Variants in GNA14 observed in about 807,000 individuals in gnomAD.
The protein encoded by GNA14 is guanine nucleotide-binding protein subunit alpha-14.
In GNA14, 50 loss-of-function variants were observed where a neutral mutation model predicts 42.0. That is an observed-to-expected ratio of 1.19 (90% CI 0.95 to 1.51). The LOEUF (loss-of-function observed/expected upper bound fraction) is 1.51. Ranked by LOEUF, GNA14 falls within the 40% of genes most tolerant of loss-of-function variation. The pLI is 0.00. For missense variants in GNA14, 473 were observed against 446.2 expected (o/e 1.06, Z -0.54); for synonymous variants, 173 against 163.1 (o/e 1.06, Z -0.46).
Position 77,499,573 on chromosome 9 carries a change from G to A in GNA14, c.309+29496C>T, listed in dbSNP as rs937482587. Among the ~76,000 whole-genome samples the A allele has an allele frequency of 1.1e-4, 16 of 152,212 alleles. 2 individuals are homozygous for A. The South Asian group carries it at 2.3e-3, about 22-fold the overall frequency. On this transcript the variant is annotated intron_variant, in intron 2 of 6. Coordinates refer to ENST00000341700, the MANE Select transcript of GNA14 (RefSeq NM_004297.4). Reference sequence around the variant, plus strand: ...TATATAAACATTTAAAAGAATGGCCGGGCACAGTGGCTCATGCCTGTAATC... The same window carrying A: ...TATATAAACATTTAAAAGAATGGCCAGGCACAGTGGCTCATGCCTGTAATC...
At chr9:77,458,036 G>A (rs552252381) in intron 2 of GNA14, among the ~76,000 whole-genome samples, 2 of 152,144 alleles carry the variant, frequency 1.3e-5, no homozygotes, top group East Asian at 3.9e-4. Context: ...TGCATTTTTG[G>A]TTGTTTTCCT....
chr9:77,597,143 A>G (rs1564062637), intron 1 of GNA14, among the ~76,000 whole-genome samples: 3 of 152,296 alleles, frequency 2.0e-5, no homozygotes, highest in East Asian at 3.9e-4. Context: ...GCATTTTACT[A>G]TCTTATTTCA....
intron 1 of GNA14, among the ~76,000 whole-genome samples, chr9:77,641,271 A>G (rs953851509): frequency 2.6e-5 from 4 of 152,088 alleles, no homozygotes; most frequent in Non-Finnish European, 5.9e-5. Flanking sequence ...ATACCATGTT[A>G]TAGATTGGAT....
chr9:77,561,389 T>C (rs1465052731), intron 1 of GNA14, among the ~76,000 whole-genome samples: 1 of 151,802 alleles, frequency 6.6e-6, no homozygotes, highest in Non-Finnish European at 1.5e-5. Flanking sequence ...AGAAGAAGAG[T>C]GAGAATCAGA....
At chr9:77,567,894 T>C (rs1822992915) in intron 1 of GNA14, among the ~76,000 whole-genome samples, 1 of 152,036 alleles carries the variant, frequency 6.6e-6, no homozygotes. Flanking sequence ...TATTCCATTA[T>C]GGCCAGCAAA....
Position 77,648,152 on chromosome 9 carries a change from G to C in GNA14, c.-359C>G. On this transcript the variant is annotated 5_prime_UTR_variant, in exon 1 of 7. Transcript: ENST00000341700. ...CACAGGAGCCGGACAGCAGTCGGGG[G>C]CGCAGACGAGTTGGAACGTCGGTGC... 3.1e-6 allele frequency: 1 copy of C among 323,574 alleles called. No individual in the cohort carries two copies. Among genetic ancestry groups the C allele is most frequent in the Non-Finnish European group, 5.7e-6 (1 of 175,310 alleles). 20.0% of individuals were successfully genotyped at this position (323,574 alleles called of 1,614,324 possible).
At chr9:77,449,980 G>C (rs1448022486) in intron 2 of GNA14, among the ~76,000 whole-genome samples, 4 of 152,132 alleles carry the variant, frequency 2.6e-5, no homozygotes, top group Admixed American at 6.5e-5. Context: ...AAGAGAACAT[G>C]AGGAATTGGC....
intron 1 of GNA14, among the ~76,000 whole-genome samples, chr9:77,567,206 A>C (rs1822980610): frequency 6.6e-6 from 1 of 152,196 alleles, no homozygotes; most frequent in African/African-American, 2.4e-5. Context: ...CATTTTACCT[A>C]GTCTTTAGGA....
chr9:77,468,677 C>A (rs1399463404), intron 2 of GNA14, among the ~76,000 whole-genome samples: 1 of 152,202 alleles, frequency 6.6e-6, no homozygotes, highest in Non-Finnish European at 1.5e-5. Context: ...CAAGCAGCAT[C>A]ATTTAATTGC....
At chr9:77,595,473 T>C (rs1823450351) in intron 1 of GNA14, among the ~76,000 whole-genome samples, 1 of 152,178 alleles carries the variant, frequency 6.6e-6, no homozygotes, top group South Asian at 2.1e-4. Context: ...CCTCATCCTG[T>C]AGAAGAGGAA....
intron 2 of GNA14, among the ~76,000 whole-genome samples, chr9:77,478,186 C>A (rs1395402782): frequency 6.7e-6 from 1 of 149,274 alleles, no homozygotes; most frequent in Non-Finnish European, 1.5e-5. Context: ...CCTCCCCCCA[C>A]CCCACAACAG....
intron 2 of GNA14, among the ~76,000 whole-genome samples, chr9:77,467,000 GGTGTGTGTGTGTGTGTGTGTGTGT>G (rs59321037): frequency 7.0e-6 from 1 of 143,620 alleles, no homozygotes; most frequent in South Asian, 2.3e-4. Context: ...TTTACCACTC[GGTGTGTGTGTGTGTGTGTGTGTGT>G]GTGTGTGTGT....
chr9:77,583,241 T>C (rs1823253669), intron 1 of GNA14, among the ~76,000 whole-genome samples: 1 of 152,132 alleles, frequency 6.6e-6, no homozygotes, highest in African/African-American at 2.4e-5. Flanking sequence ...TGAGTTCGGA[T>C]ATAAGGGGCT....
chr9:77,537,286 A>C (rs1237792794), intron 1 of GNA14, among the ~76,000 whole-genome samples: 1 of 152,104 alleles, frequency 6.6e-6, no homozygotes, highest in African/African-American at 2.4e-5. Context: ...TCGGCTCCAC[A>C]AGACCAAGTG....
At chr9:77,463,018 G>C (rs951528885) in intron 2 of GNA14, among the ~76,000 whole-genome samples, 1 of 152,152 alleles carries the variant, frequency 6.6e-6, no homozygotes, top group African/African-American at 2.4e-5. Flanking sequence ...AACAACTCGA[G>C]GGTAATAAAC....
chr9:77,540,604 A>G (rs925062075), intron 1 of GNA14, among the ~76,000 whole-genome samples: 20 of 152,138 alleles, frequency 1.3e-4, no homozygotes, highest in Non-Finnish European at 2.1e-4. Flanking sequence ...ACTGGAGTCT[A>G]TCTCTCTCTT....
At chr9:77,512,820 C>T (rs1053548102) in intron 2 of GNA14, among the ~76,000 whole-genome samples, 56 of 152,306 alleles carry the variant, frequency 3.7e-4, no homozygotes, top group African/African-American at 1.1e-3. Flanking sequence ...AATATACTAT[C>T]CAGATTTTAT....
At chr9:77,549,145 G>C (rs1256466310) in intron 1 of GNA14, among the ~76,000 whole-genome samples, 1 of 152,162 alleles carries the variant, frequency 6.6e-6, no homozygotes, top group Non-Finnish European at 1.5e-5. Context: ...ATGTTGGCCA[G>C]GATGGTCTTG....
At chr9:77,520,573 T>TTTAA (rs953905472) in intron 2 of GNA14, among the ~76,000 whole-genome samples, 1 of 152,190 alleles carries the variant, frequency 6.6e-6, no homozygotes, top group African/African-American at 2.4e-5. Flanking sequence ...TATTTATTTA[T>TTTAA]TTATTTATTT....
Sources: gnomAD v4.1 joint callset for allele counts (sites outside exome capture counted in the v4.1 genomes callset) on GRCh38, gnomAD v4.1.1 for gene constraint, MANE v1.5 for transcripts, NCBI Gene and HGNC (gene_info 2026-07-23, HGNC 2026-07-21) for gene names.